Variants in PTPRD observed in about 807,000 individuals in gnomAD.
PTPRD encodes protein tyrosine phosphatase receptor type D, also known as receptor-type tyrosine-protein phosphatase delta.
Under a neutral mutation model 214.5 loss-of-function variants are expected in PTPRD, and 34 were observed. The ratio of observed to expected loss-of-function variants is 0.16; its 90% CI spans 0.12 to 0.21. The LOEUF is 0.21. Among genes scored for constraint, PTPRD ranks in the 10% least tolerant of loss-of-function variants. PTPRD has a pLI of 1.00. For synonymous variants in PTPRD, 1,128 were observed against 845.7 expected (o/e 1.33, Z -5.79); for missense variants, 2,545 against 2,398.7 (o/e 1.06, Z -1.27).
chr9:10,155,764 T>G (rs1248662536), intron 3 of PTPRD, among the ~76,000 whole-genome samples: 1 of 152,186 alleles, frequency 6.6e-6, no homozygotes, highest in Non-Finnish European at 1.5e-5. Context: ...TTGCCTATAT[T>G]GAACCAATCT....
chr9:9,267,795 C>A (rs1209929123), intron 9 of PTPRD, among the ~76,000 whole-genome samples: 4 of 148,086 alleles, frequency 2.7e-5, no homozygotes, highest in Admixed American at 6.7e-5. Context: ...TTTCAATAGA[C>A]AAAAAAAAAG....
chr9:8,754,492 T>A (rs2093810648), intron 11 of PTPRD, among the ~76,000 whole-genome samples: 1 of 152,214 alleles, frequency 6.6e-6, no homozygotes. Flanking sequence ...TATGTCCCTG[T>A]ATTGCAATGG....
chr9:9,778,545 C>A (rs1291675431), intron 5 of PTPRD, among the ~76,000 whole-genome samples: 2 of 152,176 alleles, frequency 1.3e-5, no homozygotes, highest in African/African-American at 4.8e-5. Context: ...ACTGGCTTCC[C>A]CATGACTAAG....
chr9:9,746,125 T>A (rs2098455657), intron 6 of PTPRD, among the ~76,000 whole-genome samples: 1 of 151,946 alleles, frequency 6.6e-6, no homozygotes, highest in African/African-American at 2.4e-5. Context: ...CCCAAGAGAA[T>A]GAAATTATGA....
In PTPRD at chr9:8,845,192, A is replaced by AC. The variant is rs1450622054; in HGVS notation, c.-103-111247dup. Reference sequence around the variant, plus strand: ...GAAAAAAAAACAAAAACAAAAAAAAACACACAATTCTGTGTTCCTCTGAGA... The same window carrying AC: ...GAAAAAAAAACAAAAACAAAAAAAAACCACACAATTCTGTGTTCCTCTGAGA... On this transcript the variant is annotated intron_variant, in intron 11 of 45. Coordinates refer to ENST00000381196, the MANE Select transcript of PTPRD (RefSeq NM_002839.4). Among the ~76,000 whole-genome samples the AC allele has an allele frequency of 4.0e-5, 6 of 150,956 alleles. No homozygotes were observed. The East Asian group carries it at 7.8e-4, about 20-fold the overall frequency.
chr9:10,455,652 A>G (rs1450142582), intron 2 of PTPRD, among the ~76,000 whole-genome samples: 1 of 151,798 alleles, frequency 6.6e-6, no homozygotes. Flanking sequence ...TAATTTGGAT[A>G]GAAACTTTAT....
chr9:8,907,093 G>A (rs981444650), intron 11 of PTPRD, among the ~76,000 whole-genome samples: 23 of 151,912 alleles, frequency 1.5e-4, no homozygotes, highest in African/African-American at 5.6e-4. Context: ...GCTAGCAACT[G>A]CATACTACAA....
intron 8 of PTPRD, among the ~76,000 whole-genome samples, chr9:9,567,243 G>A (rs988223514): frequency 6.6e-6 from 1 of 151,792 alleles, no homozygotes; most frequent in African/African-American, 2.4e-5. Context: ...ATGCAGAGAT[G>A]ATTGATTGTG....
rs188619549 is a variant in PTPRD at position 10,221,177 on chromosome 9, G to A, written c.-545+119786C>T. 4.6e-5 allele frequency among the ~76,000 whole-genome samples: 7 copies of A among 152,042 alleles called. No homozygotes were observed. The East Asian group carries it at 1.4e-3, about 30-fold the overall frequency. On this transcript the variant is annotated intron_variant, in intron 3 of 45. Coordinates refer to ENST00000381196, the MANE Select transcript of PTPRD (RefSeq NM_002839.4). ...CCTATAAAGAACATAAACATGGAAGGTTGAAAAGTATTTTCCCTTTGTTAT... is the reference window on the plus strand; with the variant it reads ...CCTATAAAGAACATAAACATGGAAGATTGAAAAGTATTTTCCCTTTGTTAT...
chr9:8,426,637 A>G (rs2094694290), intron 35 of PTPRD, among the ~76,000 whole-genome samples: 1 of 152,168 alleles, frequency 6.6e-6, no homozygotes, highest in African/African-American at 2.4e-5. Context: ...ACAACGACTG[A>G]GAAAAAATGA....
intron 10 of PTPRD, among the ~76,000 whole-genome samples, chr9:9,065,061 T>C (rs547767270): frequency 6.6e-6 from 1 of 152,304 alleles, no homozygotes; most frequent in Admixed American, 6.5e-5. Flanking sequence ...TTACATGAAA[T>C]AGGCATTCCC....
intron 7 of PTPRD, among the ~76,000 whole-genome samples, chr9:9,713,202 G>A (rs565781327): frequency 1.1e-4 from 16 of 152,154 alleles, no homozygotes; most frequent in Non-Finnish European, 2.4e-4. Flanking sequence ...CAGAAAATGT[G>A]TATTAATACA....
intron 3 of PTPRD, among the ~76,000 whole-genome samples, chr9:10,330,212 G>T (rs2096723920): frequency 1.3e-5 from 2 of 151,776 alleles, no homozygotes; most frequent in Admixed American, 1.3e-4. Flanking sequence ...CTGTGTGGTT[G>T]TACTTTGTAA....
intron 10 of PTPRD, among the ~76,000 whole-genome samples, chr9:9,062,547 C>T (rs1356317931): frequency 7.6e-6 from 1 of 131,970 alleles, no homozygotes; most frequent in Non-Finnish European, 1.6e-5. Context: ...CTCTGCATCT[C>T]TCCATATATT....
At chr9:9,154,306 C>T (rs890420674) in intron 10 of PTPRD, among the ~76,000 whole-genome samples, 4 of 152,112 alleles carry the variant, frequency 2.6e-5, no homozygotes, top group Admixed American at 6.6e-5. Context: ...CAAAATACCA[C>T]GGAGTTGGTG....
intron 3 of PTPRD, among the ~76,000 whole-genome samples, chr9:10,299,977 A>G (rs2095811059): frequency 6.6e-6 from 1 of 152,120 alleles, no homozygotes; most frequent in African/African-American, 2.4e-5. Flanking sequence ...TCATTTTATA[A>G]TATATCTCTG....
intron 30 of PTPRD, among the ~76,000 whole-genome samples, chr9:8,476,873 G>T (rs73426330): frequency 1.3e-3 from 201 of 152,252 alleles, no homozygotes; most frequent in African/African-American, 4.6e-3. Context: ...TCAACTCTCA[G>T]TCTCATCAAG....
chr9:9,447,034 T>C (rs1343355665), intron 8 of PTPRD, among the ~76,000 whole-genome samples: 2 of 152,152 alleles, frequency 1.3e-5, no homozygotes, highest in African/African-American at 2.4e-5. Flanking sequence ...GGCAAGGCTG[T>C]GGAGACAAAG....
chr9:8,786,136 G>T (rs114817453), intron 11 of PTPRD, among the ~76,000 whole-genome samples: 1 of 151,828 alleles, frequency 6.6e-6, no homozygotes, highest in African/African-American at 2.4e-5. Context: ...AACAAGGTAG[G>T]GTGGGAGGGA....
Sources: gnomAD v4.1 joint callset for allele counts (sites outside exome capture counted in the v4.1 genomes callset) on GRCh38, gnomAD v4.1.1 for gene constraint, MANE v1.5 for transcripts, NCBI Gene and HGNC (gene_info 2026-07-23, HGNC 2026-07-21) for gene names.